The following ZNF532 variants were observed in gnomAD, a reference collection of about 807,000 sequenced individuals.
ZNF532 encodes the protein zinc finger protein 532.
A neutral mutation model predicts 89.3 loss-of-function variants in ZNF532; 22 were observed. The ratio of observed to expected loss-of-function variants is 0.25; its 90% CI spans 0.18 to 0.35. The LOEUF (loss-of-function observed/expected upper bound fraction) is 0.35. Ranked by LOEUF, ZNF532 falls within the 10% of genes least tolerant of loss-of-function variation. The pLI, the probability that ZNF532 is intolerant of heterozygous loss-of-function variation, is 1.00. For missense variants in ZNF532, 1,132 were observed against 1,643.4 expected (o/e 0.69, Z 5.38); for synonymous variants, 606 against 649.6 (o/e 0.93, Z 1.02).
chr18:58,922,174 T>A (rs769728563), intron 3 of ZNF532, among the ~76,000 whole-genome samples: 6 of 152,156 alleles, frequency 3.9e-5, no homozygotes, highest in Non-Finnish European at 8.8e-5. Context: ...TATACTCTGC[T>A]CCTCAAACAT....
At chr18:58,878,889 T>C (rs75738524) in intron 2 of ZNF532, among the ~76,000 whole-genome samples, 8,637 of 152,284 alleles carry the variant, frequency 0.057, 784 homozygotes, top group East Asian at 0.41. Flanking sequence ...GGTTGTCTCT[T>C]TTGCTTCCCC....
intron 2 of ZNF532, among the ~76,000 whole-genome samples, chr18:58,884,979 G>GTTTTT (rs34689408): frequency 1.5e-4 from 21 of 138,102 alleles, no homozygotes; most frequent in Non-Finnish European, 2.2e-4. Flanking sequence ...CAGTACAAGG[G>GTTTTT]TTTTTTTTTT....
At chr18:58,961,028 G>A (rs2065293751) in intron 7 of ZNF532, among the ~76,000 whole-genome samples, 1 of 152,192 alleles carries the variant, frequency 6.6e-6, no homozygotes, top group South Asian at 2.1e-4. Context: ...TGCTGATGTA[G>A]CATTCATATC....
At chr18:58,893,392 C>T (rs189541759) in intron 2 of ZNF532, among the ~76,000 whole-genome samples, 22 of 152,248 alleles carry the variant, frequency 1.4e-4, no homozygotes, top group African/African-American at 5.3e-4. Flanking sequence ...TGGTGCCTGG[C>T]GTGGCGGCTC....
intron 2 of ZNF532, among the ~76,000 whole-genome samples, chr18:58,875,867 G>A (rs943108481): frequency 1.2e-4 from 18 of 151,724 alleles, no homozygotes; most frequent in Non-Finnish European, 1.6e-4. Flanking sequence ...CGTACCTCTC[G>A]GGAGCCCTTG....
chr18:58,901,380 C>T (rs189035805), intron 2 of ZNF532, among the ~76,000 whole-genome samples: 13 of 152,202 alleles, frequency 8.5e-5, no homozygotes, highest in Non-Finnish European at 1.6e-4. Flanking sequence ...CCACTGCGCT[C>T]GGCCTCTGGC....
At chr18:58,893,984 C>T (rs1344797554) in intron 2 of ZNF532, among the ~76,000 whole-genome samples, 2 of 151,960 alleles carry the variant, frequency 1.3e-5, no homozygotes, top group Non-Finnish European at 2.9e-5. Context: ...GAAGAACCAC[C>T]ATGTTCTTCT....
chr18:58,939,916 A>C (rs1275714424), intron 5 of ZNF532: 1 of 202,546 alleles, frequency 4.9e-6, no homozygotes, highest in Admixed American at 5.5e-5. Context: ...TTTTTGAGAC[A>C]AGAGTCTCGC....
chr18:58,933,690 TAAG>T (rs1183928955), intron 3 of ZNF532, among the ~76,000 whole-genome samples: 2 of 152,208 alleles, frequency 1.3e-5, no homozygotes, highest in Non-Finnish European at 2.9e-5. Context: ...GCCTATATCT[TAAG>T]AGGATGAAAA....
chr18:58,927,994 C>G (rs1282097786), intron 3 of ZNF532, among the ~76,000 whole-genome samples: 1 of 152,228 alleles, frequency 6.6e-6, no homozygotes, highest in Non-Finnish European at 1.5e-5. Context: ...TGGGCTGAGC[C>G]TCTTTTAAGA....
intron 2 of ZNF532, among the ~76,000 whole-genome samples, chr18:58,868,866 CAA>C (rs1466916793): frequency 6.6e-6 from 1 of 152,146 alleles, no homozygotes; most frequent in African/African-American, 2.4e-5. Context: ...TGTCATTGTG[CAA>C]AGATAGAATG....
intron 2 of ZNF532, among the ~76,000 whole-genome samples, chr18:58,865,884 A>G (rs1217100613): frequency 1.3e-5 from 2 of 152,242 alleles, no homozygotes; most frequent in East Asian, 3.8e-4. Context: ...GTTTTGCATA[A>G]GACGAAAGCA....
intron 5 of ZNF532, among the ~76,000 whole-genome samples, chr18:58,940,981 C>T (rs150567537): frequency 6.8e-6 from 1 of 147,850 alleles, no homozygotes; most frequent in African/African-American, 2.5e-5. Flanking sequence ...CTCTCTCTCT[C>T]TCTCTCTCTC....
chr18:58,948,620 T>G (rs1419544617), intron 6 of ZNF532, among the ~76,000 whole-genome samples: 1 of 150,036 alleles, frequency 6.7e-6, no homozygotes, highest in Non-Finnish European at 1.5e-5. Flanking sequence ...CAGGCTAGAA[T>G]GCAGTGGCAC....
At chr18:58,897,820 G>A (rs1015697358) in intron 2 of ZNF532, among the ~76,000 whole-genome samples, 3 of 152,184 alleles carry the variant, frequency 2.0e-5, no homozygotes, top group African/African-American at 4.8e-5. Context: ...AGGAGTAGTG[G>A]CAGGTGCCTG....
intron 2 of ZNF532, among the ~76,000 whole-genome samples, chr18:58,898,440 T>C (rs1432782265): frequency 6.6e-6 from 1 of 152,236 alleles, no homozygotes; most frequent in Non-Finnish European, 1.5e-5. Context: ...ATATATGATA[T>C]GCCTAAATAT....
At chr18:58,933,005 C>G (rs1312029981) in intron 3 of ZNF532, among the ~76,000 whole-genome samples, 4 of 152,184 alleles carry the variant, frequency 2.6e-5, no homozygotes, top group African/African-American at 9.6e-5. Context: ...GTTCAGACAT[C>G]ATAATTCCCT....
chr18:58,951,415 GA>G (rs2146982479), intron 6 of ZNF532, among the ~76,000 whole-genome samples: 1 of 152,252 alleles, frequency 6.6e-6, no homozygotes, highest in East Asian at 1.9e-4. Context: ...AGAAACTTAT[GA>G]AAAGTTGCTA....
At chr18:58,977,243 G>A (rs2067164176) in intron 7 of ZNF532, among the ~76,000 whole-genome samples, 1 of 152,170 alleles carries the variant, frequency 6.6e-6, no homozygotes, top group South Asian at 2.1e-4. Flanking sequence ...AATGGAAGTT[G>A]GCTGCATAAC....
Sources: allele counts gnomAD v4.1 joint callset (sites outside exome capture counted in the v4.1 genomes callset), GRCh38; gene constraint gnomAD v4.1.1; transcripts MANE v1.5; gene names NCBI Gene and HGNC (gene_info 2026-07-23, HGNC 2026-07-21).